Variants in SMOC2 observed in about 807,000 individuals in gnomAD.
SMOC2 encodes SPARC related modular calcium binding 2.
Under a neutral mutation model 61.4 loss-of-function variants are expected in SMOC2, and 39 were observed. The observed-to-expected ratio is 0.64, with a 90% CI of 0.49 to 0.83. The LOEUF (loss-of-function observed/expected upper bound fraction) is 0.83. Among genes scored for constraint, SMOC2 ranks in the 40% least tolerant of loss-of-function variants. SMOC2 has a pLI of 0.00. For synonymous variants in SMOC2, 247 were observed against 239.9 expected (o/e 1.03, Z -0.27); for missense variants, 556 against 592.9 (o/e 0.94, Z 0.65).
intron 2 of SMOC2, among the ~76,000 whole-genome samples, chr6:168,522,192 G>C (rs1020725734): frequency 2.0e-5 from 3 of 152,160 alleles, no homozygotes; most frequent in African/African-American, 7.2e-5. Context: ...GGTTACAACA[G>C]TGTAACAAAG....
intron 9 of SMOC2, among the ~76,000 whole-genome samples, chr6:168,629,013 G>A (rs547100021): frequency 2.6e-5 from 4 of 152,354 alleles, no homozygotes; most frequent in African/African-American, 7.2e-5. Flanking sequence ...GCAGGCAGGC[G>A]AGGGGGACTC....
At position 168,590,591 on chromosome 6, in the gene SMOC2, T is replaced by C. The variant is rs180908598; in HGVS notation, c.638-8227T>C. On this transcript the variant is annotated intron_variant, in intron 7 of 12. Coordinates refer to ENST00000356284, the MANE Select transcript of SMOC2 (RefSeq NM_001166412.2). ...ATGCAAAGCCCCTAAGCGTGTGAGC[T>C]TGCCAAAAAACTTAAAACCTGCAGC... Among the ~76,000 whole-genome samples the C allele has an allele frequency of 6.5e-3, 617 of 95,354 alleles. 5 individuals carry two copies. The highest frequency in any genetic ancestry group is 0.019 in the African/African-American group (583 of 31,336). The allele number at this position is 95,354 out of a possible 152,430, so 62.6% of individuals were successfully genotyped here.
chr6:168,652,276 A>C (rs1001405908), intron 10 of SMOC2, among the ~76,000 whole-genome samples: 3 of 152,158 alleles, frequency 2.0e-5, no homozygotes, highest in African/African-American at 7.2e-5. Context: ...AGAAATTGGC[A>C]ATGGTGTCGG....
At chr6:168,631,153 G>A (rs981693508) in intron 9 of SMOC2, among the ~76,000 whole-genome samples, 7 of 152,050 alleles carry the variant, frequency 4.6e-5, no homozygotes, top group Non-Finnish European at 7.4e-5. Context: ...GGGGCATCAC[G>A]GATCCTACCA....
At chr6:168,578,152 G>A (rs552878055) in intron 7 of SMOC2, among the ~76,000 whole-genome samples, 1 of 152,332 alleles carries the variant, frequency 6.6e-6, no homozygotes, top group African/African-American at 2.4e-5. Context: ...CCCAGCTGCT[G>A]TGTGTAGCAG....
intron 1 of SMOC2, among the ~76,000 whole-genome samples, chr6:168,442,955 G>A (rs1241221447): frequency 1.3e-5 from 2 of 152,216 alleles, no homozygotes; most frequent in Non-Finnish European, 2.9e-5. Context: ...ACTCACTGGA[G>A]GCATTCATGT....
At chr6:168,545,287 C>T (rs1392610246) in intron 5 of SMOC2, among the ~76,000 whole-genome samples, 1 of 151,630 alleles carries the variant, frequency 6.6e-6, no homozygotes, top group Non-Finnish European at 1.5e-5. Context: ...GGAATTAGTA[C>T]ATGGGCATGA....
intron 8 of SMOC2, among the ~76,000 whole-genome samples, chr6:168,606,379 A>G (rs1435990323): frequency 6.6e-6 from 1 of 152,166 alleles, no homozygotes; most frequent in African/African-American, 2.4e-5. Flanking sequence ...TATTTCAAAA[A>G]GATATATTAA....
At chr6:168,663,814 G>A (rs1279737528) in intron 11 of SMOC2, among the ~76,000 whole-genome samples, 2 of 152,132 alleles carry the variant, frequency 1.3e-5, no homozygotes, top group African/African-American at 4.8e-5. Flanking sequence ...GTATATAGGA[G>A]GTGTTCAGAT....
chr6:168,481,463 G>T (rs1013046282), intron 1 of SMOC2, among the ~76,000 whole-genome samples: 1 of 151,988 alleles, frequency 6.6e-6, no homozygotes, highest in Non-Finnish European at 1.5e-5. Flanking sequence ...CTTATTTTAG[G>T]ATGTAAAATA....
At chr6:168,621,966 CTTCT>C (rs1786257953) in intron 9 of SMOC2, among the ~76,000 whole-genome samples, 1 of 146,290 alleles carries the variant, frequency 6.8e-6, no homozygotes, top group Non-Finnish European at 1.5e-5. Context: ...ATGGATTAAT[CTTCT>C]TTTTTTTTTT....
chr6:168,659,685 G>GT (rs1787441754), intron 11 of SMOC2, among the ~76,000 whole-genome samples: 17 of 56,512 alleles, frequency 3.0e-4, no homozygotes, highest in African/African-American at 1.3e-3. Context: ...GGTGGAGGTT[G>GT]TAGGTAGGGT....
At chr6:168,518,874 C>A (rs1783233253) in intron 2 of SMOC2, among the ~76,000 whole-genome samples, 1 of 148,290 alleles carries the variant, frequency 6.7e-6, no homozygotes, top group South Asian at 2.2e-4. Flanking sequence ...TGAATGTATT[C>A]ATGTGTCTGA....
intron 7 of SMOC2, among the ~76,000 whole-genome samples, chr6:168,558,911 GTA>G (rs1323077763): frequency 6.6e-5 from 10 of 151,994 alleles, no homozygotes; most frequent in African/African-American, 1.7e-4. Context: ...GTGCACGTGT[GTA>G]TGTGTGCTTG....
intron 2 of SMOC2, among the ~76,000 whole-genome samples, chr6:168,510,840 A>G (rs1782989780): frequency 6.6e-6 from 1 of 152,206 alleles, no homozygotes; most frequent in South Asian, 2.1e-4. Context: ...CCAGGTAAAC[A>G]GATTTCAGTT....
intron 1 of SMOC2, among the ~76,000 whole-genome samples, chr6:168,487,703 A>C (rs192232525): frequency 6.8e-4 from 103 of 152,092 alleles, no homozygotes; most frequent in African/African-American, 2.4e-3. Context: ...GGGCTTCACC[A>C]TGTTGGCCAG....
rs927129969 is a variant in SMOC2, at chr6:168,475,551, C to T, written c.84+34097C>T. 1.3e-5 allele frequency among the ~76,000 whole-genome samples: 2 copies of T among 151,986 alleles called. No homozygotes were observed. The highest frequency in any genetic ancestry group is 2.4e-5 in the African/African-American group (1 of 41,392). On this transcript the variant is annotated intron_variant, in intron 1 of 12. Coordinates refer to ENST00000356284, the MANE Select transcript of SMOC2 (RefSeq NM_001166412.2). This position sits in a 1 kb window ranked among gnomAD's most constrained non-coding sequence, Gnocchi z 4.6. ...GCTGGGGAGAGGAGGCCATGGCCAGCGTTGCCTTGGGGGACAGGGCATGAA... is the reference window on the plus strand; with the variant it reads ...GCTGGGGAGAGGAGGCCATGGCCAGTGTTGCCTTGGGGGACAGGGCATGAA...
chr6:168,445,186 C>T lies in SMOC2; in HGVS notation c.84+3732C>T, dbSNP rs557703744. 9.8e-5 allele frequency among the ~76,000 whole-genome samples: 15 copies of T among 152,292 alleles called. No homozygotes were observed. The South Asian group carries it at 1.7e-3, about 17-fold the overall frequency. ...CATCCTGCCATTATTTTTCTTTCTT[C>T]GTGGGAGTTCCCTGCACTGTTTTTT... On this transcript the variant is annotated intron_variant, in intron 1 of 12. Coordinates refer to ENST00000356284, the MANE Select transcript of SMOC2 (RefSeq NM_001166412.2).
At chr6:168,499,976 C>T (rs1782684750) in intron 1 of SMOC2, among the ~76,000 whole-genome samples, 1 of 152,144 alleles carries the variant, frequency 6.6e-6, no homozygotes, top group African/African-American at 2.4e-5. Flanking sequence ...CCCGGGTGCT[C>T]AGTGTTCAAG....
Sources: allele counts gnomAD v4.1 joint callset (sites outside exome capture counted in the v4.1 genomes callset), GRCh38; gene constraint gnomAD v4.1.1; non-coding constraint Gnocchi (gnomAD v3.1); transcripts MANE v1.5; gene names NCBI Gene and HGNC (gene_info 2026-07-23, HGNC 2026-07-21).